The following MCF2L2 variants were observed in gnomAD, a reference collection of about 807,000 sequenced individuals.
MCF2L2 encodes the protein probable guanine nucleotide exchange factor MCF2L2.
Under a neutral mutation model 150.2 loss-of-function variants are expected in MCF2L2, and 102 were observed. The observed-to-expected ratio is 0.68, with a 90% CI of 0.58 to 0.80. MCF2L2 has a LOEUF of 0.80. MCF2L2 is among the 30% of genes least tolerant of loss of function. The probability of loss-of-function intolerance (pLI) is 0.00; values close to 1 mark genes in which losing one functional copy is unlikely to be tolerated. For synonymous variants in MCF2L2, 465 were observed against 491.3 expected, an observed-to-expected ratio of 0.95 and a Z score of 0.71; for missense variants, 1,256 against 1,372.8, an observed-to-expected ratio of 0.91 and a Z score of 1.34.
chr3:183,337,093 G>A (rs1411066778), intron 5 of MCF2L2, among the ~76,000 whole-genome samples: 3 of 152,028 alleles, frequency 2.0e-5, no homozygotes, highest in East Asian at 1.9e-4. Flanking sequence ...GTTGTTGAAC[G>A]CATCAGTACT....
intron 1 of MCF2L2, among the ~76,000 whole-genome samples, chr3:183,412,900 T>C (rs1334372527): frequency 6.6e-6 from 1 of 152,180 alleles, no homozygotes; most frequent in East Asian, 1.9e-4. Flanking sequence ...GAAACTTCCT[T>C]CTACTCCTAG....
chr3:183,276,861 T>C lies in MCF2L2; in HGVS notation c.1862+11A>G. ...CCCTCGCCCCCTGCACCCACGGATG[T>C]GCAGTCTTACCTGCGGGGGGAAAGG... On this transcript the variant is annotated intron_variant, in intron 15 of 29. Transcript: ENST00000328913. The C allele has an allele frequency of 6.2e-7, 1 of 1,601,420 alleles. No individual in the cohort carries two copies.
chr3:183,280,990 A>G (rs1294440365), intron 14 of MCF2L2, among the ~76,000 whole-genome samples: 1 of 152,168 alleles, frequency 6.6e-6, no homozygotes, highest in Admixed American at 6.5e-5. Context: ...GAGAAAAAAA[A>G]GCAGATTTCA....
At chr3:183,274,725 G>A (rs1056452286) in intron 15 of MCF2L2, among the ~76,000 whole-genome samples, 1 of 152,168 alleles carries the variant, frequency 6.6e-6, no homozygotes, top group Admixed American at 6.5e-5. Context: ...CTCTTGATAT[G>A]CAAGGTTATT....
intron 25 of MCF2L2, among the ~76,000 whole-genome samples, chr3:183,203,303 T>C (rs1188383465): frequency 1.4e-4 from 21 of 152,120 alleles, no homozygotes; most frequent in Admixed American, 1.4e-3. Context: ...TATTTTTACA[T>C]GTTCAAAAAG....
At chr3:183,358,735 C>A (rs1711942931) in intron 3 of MCF2L2, among the ~76,000 whole-genome samples, 1 of 152,174 alleles carries the variant, frequency 6.6e-6, no homozygotes, top group South Asian at 2.1e-4. Context: ...GTTCTCCCAC[C>A]TCAGCCTCTC....
intron 25 of MCF2L2, among the ~76,000 whole-genome samples, chr3:183,198,470 C>G (rs1241076558): frequency 6.6e-6 from 1 of 152,146 alleles, no homozygotes; most frequent in Non-Finnish European, 1.5e-5. Context: ...GCAGTGTGAA[C>G]AAACCTTTGG....
At chr3:183,367,393 C>CT (rs200216853) in intron 3 of MCF2L2, among the ~76,000 whole-genome samples, 6,082 of 151,494 alleles carry the variant, frequency 0.04, 339 homozygotes, top group African/African-American at 0.12. Context: ...CACCTGGCTA[C>CT]TTTTTTTTGT....
chr3:183,318,307 A>G (rs1035858912), intron 6 of MCF2L2, 90 bp from the exon 7 acceptor site: 1 of 1,407,774 alleles, frequency 7.1e-7, no homozygotes, highest in African/African-American at 1.4e-5. Context: ...TAGTTGATAA[A>G]ATTAGTGAAT....
intron 15 of MCF2L2, among the ~76,000 whole-genome samples, chr3:183,252,325 C>T (rs1171873497): frequency 1.3e-5 from 2 of 152,124 alleles, no homozygotes; most frequent in East Asian, 3.9e-4. Context: ...TTGCAAATCA[C>T]ACATGTAAAT....
Position 183,205,864 on chromosome 3 carries a change from G to A in MCF2L2, c.2884+12C>T, listed in dbSNP as rs527249500. 1.4e-5 allele frequency: 23 copies of A among 1,607,356 alleles called. No individual in the cohort carries two copies. Among genetic ancestry groups the A allele is most frequent in the Non-Finnish European group, 1.9e-5 (22 of 1,174,094 alleles). ...ATAACTCGACAGACGAAAGTCAGCA[G>A]GGGTAACCTACCTTTGATATTATTT... On this transcript the variant is annotated intron_variant, in intron 25 of 29. Coordinates refer to ENST00000328913, the MANE Select transcript of MCF2L2 (RefSeq NM_015078.4).
At chr3:183,422,877 C>T (rs1472648019) in intron 1 of MCF2L2, among the ~76,000 whole-genome samples, 2 of 152,094 alleles carry the variant, frequency 1.3e-5, no homozygotes, top group East Asian at 3.9e-4. Flanking sequence ...GGAATGGATC[C>T]CTGGGACTCT....
intron 10 of MCF2L2, among the ~76,000 whole-genome samples, chr3:183,301,014 CAAAAA>C (rs11388183): frequency 1.5e-5 from 1 of 65,642 alleles, no homozygotes; most frequent in Non-Finnish European, 3.4e-5. Flanking sequence ...GACTCCATCT[CAAAAA>C]AAAAAAAAAA....
intron 15 of MCF2L2, among the ~76,000 whole-genome samples, chr3:183,248,185 T>A (rs1490328570): frequency 6.6e-6 from 1 of 152,168 alleles, no homozygotes; most frequent in Non-Finnish European, 1.5e-5. Flanking sequence ...TGCTCTCTCT[T>A]CCTAGGATTC....
At chr3:183,278,196 AT>A (rs202088029) in intron 14 of MCF2L2, among the ~76,000 whole-genome samples, 3,786 of 142,294 alleles carry the variant, frequency 0.027, 163 homozygotes, top group African/African-American at 0.1. Context: ...AAGAAAAAAT[AT>A]ATATATATAT....
chr3:183,341,940 C>T (rs778323052), intron 3 of MCF2L2, among the ~76,000 whole-genome samples: 11 of 152,290 alleles, frequency 7.2e-5, no homozygotes, highest in Middle Eastern at 3.4e-3. Context: ...CCAATGTAGG[C>T]GGAGGACCTT....
At chr3:183,215,819 G>C (rs1722889681) in intron 22 of MCF2L2, 150 bp downstream of exon 22, 1 of 826,412 alleles carries the variant, frequency 1.2e-6, no homozygotes, top group East Asian at 2.9e-5. Flanking sequence ...ATCTTGTAGT[G>C]CGGGTTTACT....
intron 15 of MCF2L2, among the ~76,000 whole-genome samples, chr3:183,233,271 G>A (rs537505875): frequency 2.0e-5 from 3 of 151,846 alleles, no homozygotes; most frequent in African/African-American, 4.8e-5. Flanking sequence ...ATAATTACTC[G>A]AACCCAGGAG....
chr3:183,348,777 G>C (rs1731000622), intron 3 of MCF2L2, among the ~76,000 whole-genome samples: 1 of 151,130 alleles, frequency 6.6e-6, no homozygotes, highest in African/African-American at 2.4e-5. Flanking sequence ...GCAGAGATAA[G>C]TTATTCATAA....
Sources: gnomAD v4.1 joint callset for allele counts (sites outside exome capture counted in the v4.1 genomes callset) on GRCh38, gnomAD v4.1.1 for gene constraint, MANE v1.5 for transcripts, NCBI Gene and HGNC (gene_info 2026-07-23, HGNC 2026-07-21) for gene names.